The following PDE4D variants were observed in gnomAD, a reference collection of about 807,000 sequenced individuals.
PDE4D encodes 3',5'-cyclic-AMP phosphodiesterase 4D.
In PDE4D, 24 loss-of-function variants were observed where a neutral mutation model predicts 87.4. The observed-to-expected ratio is 0.27, with a 90% confidence interval of 0.20 to 0.39. PDE4D has a LOEUF of 0.39. Among genes scored for constraint, PDE4D ranks in the 10% least tolerant of loss-of-function variants. The pLI, the probability that PDE4D is intolerant of heterozygous loss-of-function variation, is 1.00. For missense variants in PDE4D, 714 were observed against 1,041.0 expected, an observed-to-expected ratio of 0.69 and a Z score of 4.32; for synonymous variants, 384 against 383.2, an observed-to-expected ratio of 1.00 and a Z score of -0.02.
chr5:59,152,451 T>G, intron 5 of PDE4D, among the ~76,000 whole-genome samples: 1 of 152,194 alleles, frequency 6.6e-6, no homozygotes, highest in East Asian at 1.9e-4. Flanking sequence ...TGGAAAAACA[T>G]GTTGAGTATG....
At chr5:59,168,447 G>T (rs554984123) in intron 5 of PDE4D, among the ~76,000 whole-genome samples, 1 of 152,150 alleles carries the variant, frequency 6.6e-6, no homozygotes, top group South Asian at 2.1e-4. Flanking sequence ...TGGTGACAAC[G>T]GGCACTTCAG....
chr5:60,515,601 CTTTTTT>C (rs954970783), intron 1 of PDE4D, among the ~76,000 whole-genome samples: 1 of 106,824 alleles, frequency 9.4e-6, no homozygotes, highest in Non-Finnish European at 2.0e-5. Context: ...TTTTCTTTTT[CTTTTTT>C]TTTTTTTTTT....
chr5:59,995,521 T>C (rs1032042372), intron 2 of PDE4D, among the ~76,000 whole-genome samples: 2 of 152,094 alleles, frequency 1.3e-5, no homozygotes, highest in African/African-American at 4.8e-5. Flanking sequence ...AGTTTCATCA[T>C]GTTGGCCAGG....
At chr5:59,374,038 A>G (rs1168532391) in intron 1 of PDE4D, among the ~76,000 whole-genome samples, 3 of 152,184 alleles carry the variant, frequency 2.0e-5, no homozygotes, top group Non-Finnish European at 2.9e-5. Context: ...CACTAAATAT[A>G]GAAAGGAAAG....
At chr5:59,791,754 C>G (rs904784658) in intron 1 of PDE4D, among the ~76,000 whole-genome samples, 1 of 152,154 alleles carries the variant, frequency 6.6e-6, no homozygotes, top group African/African-American at 2.4e-5. Context: ...AGGGAGCAGA[C>G]AGCCCCGGGC....
rs1184611767 is a variant in PDE4D, at chr5:59,893,381, A to AG, written c.241dup (p.Leu81ProfsTer74). The AG allele has an allele frequency of 7.2e-6, 9 of 1,241,712 alleles. No homozygotes were observed. Among genetic ancestry groups the AG allele is most frequent in the African/African-American group, 6.4e-5 (4 of 62,040 alleles). The allele number at this position is 1,241,712 out of a possible 1,614,324, so 76.9% of individuals were successfully genotyped here. A position where few individuals can be genotyped will look rare whatever the true frequency, so the allele number is the denominator to read the frequency against. On this transcript the variant is annotated frameshift_variant, in exon 1 of 15. Transcript: ENST00000340635. LOFTEE classifies it high-confidence loss of function. The stretch of plus-strand genomic sequence containing the variant: ...CCCGGGCGGCGGCGGGGGCGGCGGC[A>AG]GGGGGGGCGGCGGCGGCGGCTGTAG...
At chr5:59,212,329 C>A (rs1190346450) in intron 2 of PDE4D, among the ~76,000 whole-genome samples, 2 of 151,944 alleles carry the variant, frequency 1.3e-5, no homozygotes, top group African/African-American at 4.8e-5. Flanking sequence ...ACTTAATCTC[C>A]TTGGTAGAAA....
At chr5:59,968,142 G>A (rs142017030) in intron 3 of PDE4D, among the ~76,000 whole-genome samples, 3,896 of 151,784 alleles carry the variant, frequency 0.026, 167 homozygotes, top group African/African-American at 0.09. Flanking sequence ...GCGCCACCAC[G>A]CCTGGCTAAT....
intron 1 of PDE4D, among the ~76,000 whole-genome samples, chr5:59,550,757 G>A (rs1239955267): frequency 6.7e-6 from 1 of 150,178 alleles, no homozygotes; most frequent in Non-Finnish European, 1.5e-5. Flanking sequence ...AAGTGCAGTG[G>A]CATGACTCAG....
chr5:59,105,295 G>T (rs1260023221), intron 5 of PDE4D, among the ~76,000 whole-genome samples: 1 of 152,154 alleles, frequency 6.6e-6, no homozygotes, highest in African/African-American at 2.4e-5. Context: ...ATGTAATTCA[G>T]TATTATCATT....
At chr5:59,244,585 TATATATAC>T (rs1296766359) in intron 1 of PDE4D, among the ~76,000 whole-genome samples, 1 of 150,054 alleles carries the variant, frequency 6.7e-6, no homozygotes, top group Non-Finnish European at 1.5e-5. Context: ...TATACACATA[TATATATAC>T]ATATATACAC....
intron 1 of PDE4D, among the ~76,000 whole-genome samples, chr5:60,344,561 C>A (rs1410354877): frequency 6.6e-6 from 1 of 152,166 alleles, no homozygotes; most frequent in Non-Finnish European, 1.5e-5. Context: ...CAAAACATTT[C>A]TCTTGCATTT....
At chr5:60,009,620 A>G (rs1367312854) in intron 2 of PDE4D, among the ~76,000 whole-genome samples, 2 of 152,100 alleles carry the variant, frequency 1.3e-5, no homozygotes, top group African/African-American at 4.8e-5. Flanking sequence ...AAAATTTTTT[A>G]AAGTTTATTG....
intron 1 of PDE4D, among the ~76,000 whole-genome samples, chr5:59,844,951 G>T (rs1743598605): frequency 6.6e-6 from 1 of 152,054 alleles, no homozygotes; most frequent in South Asian, 2.1e-4. Context: ...GAAGTAAGTG[G>T]CCACGTTGTG....
chr5:59,098,987 T>G (rs954747791), intron 5 of PDE4D, among the ~76,000 whole-genome samples: 3 of 152,182 alleles, frequency 2.0e-5, no homozygotes, highest in Non-Finnish European at 4.4e-5. Flanking sequence ...AACATGTAGT[T>G]GGCTGCATCA....
At chr5:59,688,057 A>G (rs574967230) in intron 1 of PDE4D, among the ~76,000 whole-genome samples, 2 of 152,224 alleles carry the variant, frequency 1.3e-5, no homozygotes, top group African/African-American at 2.4e-5. Flanking sequence ...AGGAGCACCC[A>G]GATTCATAAA....
intron 1 of PDE4D, among the ~76,000 whole-genome samples, chr5:59,839,280 T>A (rs1029678370): frequency 4.0e-5 from 6 of 151,678 alleles, no homozygotes; most frequent in Non-Finnish European, 8.8e-5. Flanking sequence ...CTGGAGGGAA[T>A]GCAATTAGGG....
chr5:60,092,050 C>CAAAAAAAAAAA (rs66814905), intron 2 of PDE4D, among the ~76,000 whole-genome samples: 8 of 55,990 alleles, frequency 1.4e-4, no homozygotes, highest in East Asian at 5.8e-4. Flanking sequence ...AACTCCGTCT[C>CAAAAAAAAAAA]AAAAAAAAAA....
chr5:60,255,136 A>T (rs1748904419), intron 1 of PDE4D, among the ~76,000 whole-genome samples: 1 of 151,920 alleles, frequency 6.6e-6, no homozygotes, highest in Non-Finnish European at 1.5e-5. Context: ...AATGACTATC[A>T]TTGTTCAACC....
Sources: gnomAD v4.1 joint callset for allele counts (sites outside exome capture counted in the v4.1 genomes callset) on GRCh38, gnomAD v4.1.1 for gene constraint, MANE v1.5 for transcripts, NCBI Gene and HGNC (gene_info 2026-07-23, HGNC 2026-07-21) for gene names.